The following ARGFX variants were observed in gnomAD, a reference collection of about 807,000 sequenced individuals.
The protein encoded by ARGFX is arginine-fifty homeobox.
A neutral mutation model predicts 8.0 loss-of-function variants in ARGFX; 10 were observed. The observed-to-expected ratio is 1.25, with a 90% CI of 0.77 to 2.12. The LOEUF is 2.12. Among genes scored for constraint, ARGFX ranks in the 30% most tolerant of loss-of-function variants. The probability of loss-of-function intolerance (pLI) is 0.00; values close to 1 mark genes in which losing one functional copy is unlikely to be tolerated. For synonymous variants in ARGFX, 116 were observed against 117.8 expected (o/e 0.98, Z 0.10); for missense variants, 282 against 324.3 (o/e 0.87, Z 1.00).
In ARGFX at chr3:121,586,938, G is replaced by A. The variant is rs764981363; in HGVS notation, c.*338G>A. Among the ~76,000 whole-genome samples, 1 of 152,162 alleles carries A rather than the reference G, an allele frequency of 6.6e-6. No homozygotes were observed. Among genetic ancestry groups the A allele is most frequent in the African/African-American group, 2.4e-5 (1 of 41,424 alleles). On this transcript the variant is annotated 3_prime_UTR_variant, in exon 5 of 5. Transcript: ENST00000334384. ...TAGCTCTCATTCTGTCACCCAGGCT[G>A]GAATACAGTGGTACAGTCACGGCTC... is the stretch of plus-strand genomic sequence containing the variant.
rs1174620508 is a variant in ARGFX, at chr3:121,579,945, C to CTTTTTTT, written c.220+3065_220+3071dup. Among the ~76,000 whole-genome samples the CTTTTTTT allele has an allele frequency of 5.1e-3, 465 of 91,494 alleles. 18 individuals are homozygous for CTTTTTTT. Among genetic ancestry groups the CTTTTTTT allele is most frequent in the Middle Eastern group, 7.4e-3 (1 of 136 alleles). The allele number at this position is 91,494 out of a possible 152,430, so 60.0% of individuals were successfully genotyped here. On this transcript the variant is annotated intron_variant, in intron 3 of 4. Transcript: ENST00000334384. ...CTTTCTTTTTCTTTTCTTTTCTTTT[C>CTTTTTTT]TTTTTTTTTTTTTTTTTTTTTTTTT...
rs577539578 is a variant in ARGFX, at chr3:121,574,930, A to T, written c.104-1854A>T. 5.9e-5 allele frequency among the ~76,000 whole-genome samples: 9 copies of T among 152,328 alleles called. No homozygotes were observed. The South Asian group carries it at 1.9e-3, about 32-fold the overall frequency. On this transcript the variant is annotated intron_variant, in intron 2 of 4. Transcript: ENST00000334384. ...GAACAGAAGAAAGTTCAGAAAATTG[A>T]TATGTTTGAAGACCAAATGTATGTA...
rs913630512 is a variant in ARGFX, at chr3:121,589,845, T to A, written c.*3245T>A. On this transcript the variant is annotated 3_prime_UTR_variant, in exon 5 of 5. Coordinates refer to ENST00000334384, the MANE Select transcript of ARGFX (RefSeq NM_001012659.2). ...TTAAGAAAACTTCACTAATATATAG[T>A]CATAATGTGGTATATTCATAGAACA... 6.6e-6 allele frequency among the ~76,000 whole-genome samples: 1 copy of A among 152,094 alleles called. No individual in the cohort carries two copies. Among genetic ancestry groups the A allele is most frequent in the Non-Finnish European group, 1.5e-5 (1 of 68,018 alleles).
rs1355077633 is a variant in ARGFX at position 121,586,278 on chromosome 3, A to G, written c.626A>G (p.Gln209Arg). ...STSDFQMQDT[Q>R]WERLVASVPA... ...AGTGACTTCCAAATGCAAGATACTC[A>G]GTGGGAGAGGCTGGTGGCCTCGGTT... is the stretch of plus-strand genomic sequence containing the variant. The change falls in exon 5 of 5, where the codon CAG becomes CGG. Residue 209 changes from glutamine to arginine, a missense_variant. Transcript: ENST00000334384. The G allele has an allele frequency of 5.0e-6, 8 of 1,614,088 alleles. No individual in the cohort carries two copies. The highest frequency in any genetic ancestry group is 6.8e-6 in the Non-Finnish European group (8 of 1,180,052).
At chr3:121,585,733 C>T (rs2048808223) in intron 4 of ARGFX, among the ~76,000 whole-genome samples, 1 of 152,106 alleles carries the variant, frequency 6.6e-6, no homozygotes, top group African/African-American at 2.4e-5. Flanking sequence ...TCCCTAGATC[C>T]TAGATCCCTA....
intron 4 of ARGFX, among the ~76,000 whole-genome samples, chr3:121,585,815 C>T (rs2048809017): frequency 6.6e-6 from 1 of 152,144 alleles, no homozygotes; most frequent in East Asian, 1.9e-4. Flanking sequence ...AACACACCCG[C>T]TTCCTTCCTT....
chr3:121,570,408 G>A lies in ARGFX; in HGVS notation c.-12-294G>A, dbSNP rs73179943. ...GTGGTCATTTGATCTCTATCTTTTCGTGTATAGATTGCACTTTAACAATCT... is the reference window on the plus strand; with the variant it reads ...GTGGTCATTTGATCTCTATCTTTTCATGTATAGATTGCACTTTAACAATCT... On this transcript the variant is annotated intron_variant, in intron 1 of 4. Transcript: ENST00000334384. Among the ~76,000 whole-genome samples the A allele has an allele frequency of 4.7e-4, 72 of 152,282 alleles. No homozygotes were observed. The South Asian group carries it at 6.8e-3, about 14-fold the overall frequency.
rs201565904 is a variant in ARGFX at position 121,570,808 on chromosome 3, C to T, written c.95C>T (p.Ala32Val). ...AAGGTGATACCACCACAGGATCCAG[C>T]TAGTCCCAGTGAGTATCATCCTTCT... ...NMKVIPPQDP[A>V]SPSFTLLSKL... Residue 32 changes from alanine (A) to valine (V), a missense_variant, in exon 2 of 5, where the codon GCT (alanine) becomes GTT (valine). Physicochemically the swap from Ala to Val is moderately conservative, Grantham distance 64. Coordinates refer to ENST00000334384, the MANE Select transcript of ARGFX (RefSeq NM_001012659.2). 2 of 1,599,792 alleles carry T rather than the reference C, an allele frequency of 1.3e-6. No individual in the cohort carries two copies. The highest frequency in any genetic ancestry group is 4.6e-5 in the East Asian group (2 of 43,742).
Position 121,580,602 on chromosome 3 carries a change from A to ATTT in ARGFX, c.220+3703_220+3704insTTT, listed in dbSNP as rs1198950517. The stretch of plus-strand genomic sequence containing the variant: ...TGTGTGTGTGTGTGTGTGTATATAT[A>ATTT]TATATTTTTTTTTTTTTTTTGAGAT... On this transcript the variant is annotated intron_variant, in intron 3 of 4. Transcript: ENST00000334384. 8.0e-5 allele frequency among the ~76,000 whole-genome samples: 7 copies of ATTT among 87,636 alleles called. 1 individual carries two copies. The highest frequency in any genetic ancestry group is 3.8e-4 in the South Asian group (1 of 2,664). The allele number at this position is 87,636 out of a possible 152,430, so 57.5% of individuals were successfully genotyped here.
intron 4 of ARGFX, among the ~76,000 whole-genome samples, chr3:121,585,542 G>C (rs1012535690): frequency 6.6e-6 from 1 of 151,616 alleles, no homozygotes; most frequent in Non-Finnish European, 1.5e-5. Flanking sequence ...GTCTCACTAT[G>C]TTGCCCAGGC....
chr3:121,574,995 T>A (rs988321355), intron 2 of ARGFX, among the ~76,000 whole-genome samples: 2 of 152,194 alleles, frequency 1.3e-5, no homozygotes, highest in African/African-American at 4.8e-5. Context: ...TCAGTGGTTT[T>A]AAAAAAATAA....
At chr3:121,582,135 A>G (rs2048783869) in intron 3 of ARGFX, among the ~76,000 whole-genome samples, 1 of 152,158 alleles carries the variant, frequency 6.6e-6, no homozygotes, top group South Asian at 2.1e-4. Context: ...GTTATTTTTA[A>G]ACAATTTACA....
intron 2 of ARGFX, among the ~76,000 whole-genome samples, chr3:121,576,468 A>G (rs2048736623): frequency 6.6e-6 from 1 of 152,060 alleles, no homozygotes; most frequent in African/African-American, 2.4e-5. Flanking sequence ...CCTACCGAGT[A>G]GCTGGGATTA....
Position 121,586,596 on chromosome 3 carries a change from T to A in ARGFX, c.944T>A (p.Leu315His). The stretch of plus-strand genomic sequence containing the variant: ...TCCAATATGGTAGACTTGGGATTTC[T>A]CTGACCAGAGTACTAATAAATATAG... ...KTSNMVDLGFL is the reference protein window; with the variant it reads ...KTSNMVDLGFH Residue 315 changes from leucine (L) to histidine (H), a missense_variant, in exon 5 of 5, where the codon CTC (leucine) becomes CAC (histidine). Leu to His is a moderately conservative substitution (Grantham distance 99). Coordinates refer to ENST00000334384, the MANE Select transcript of ARGFX (RefSeq NM_001012659.2). 6.2e-7 allele frequency: 1 copy of A among 1,611,464 alleles called. No homozygotes were observed. Among genetic ancestry groups the A allele is most frequent in the Non-Finnish European group, 8.5e-7 (1 of 1,178,538 alleles).
At chr3:121,571,272 A>G (rs1432378744) in intron 2 of ARGFX, among the ~76,000 whole-genome samples, 1 of 152,120 alleles carries the variant, frequency 6.6e-6, no homozygotes, top group Admixed American at 6.6e-5. Context: ...TTGTTATTTG[A>G]TATTTTATCC....
intron 2 of ARGFX, among the ~76,000 whole-genome samples, chr3:121,572,849 C>T (rs943138445): frequency 1.4e-4 from 22 of 152,224 alleles, no homozygotes; most frequent in Non-Finnish European, 2.2e-4. Flanking sequence ...TCCAGAAATA[C>T]GTCCTTGCAC....
At chr3:121,576,705 CT>C (rs113058973) in intron 2 of ARGFX, 78 bp from the exon 3 acceptor site, 26,632 of 222,606 alleles carry the variant, frequency 0.12, 1,941 homozygotes, top group East Asian at 0.37. Context: ...CTCTTTCTTT[CT>C]TTTTCTTTCT....
In ARGFX at chr3:121,588,743, C is replaced by A. The variant is rs1217842671; in HGVS notation, c.*2143C>A. 6.6e-6 allele frequency among the ~76,000 whole-genome samples: 1 copy of A among 150,720 alleles called. No homozygotes were observed. The highest frequency in any genetic ancestry group is 1.5e-5 in the Non-Finnish European group (1 of 67,714). On this transcript the variant is annotated 3_prime_UTR_variant, in exon 5 of 5. Transcript: ENST00000334384. ...ACCATCCTGGCCAACATGGTGAAATCCTGCCTCTACTAAAAATACAAAAAA... is the reference window on the plus strand; with the variant it reads ...ACCATCCTGGCCAACATGGTGAAATACTGCCTCTACTAAAAATACAAAAAA...
chr3:121,581,064 C>G (rs905455090), intron 3 of ARGFX, among the ~76,000 whole-genome samples: 39 of 152,050 alleles, frequency 2.6e-4, no homozygotes, highest in African/African-American at 9.4e-4. Flanking sequence ...CAACCTCTGC[C>G]TCCCGGGTTC....
Sources: gnomAD v4.1 joint callset for allele counts (sites outside exome capture counted in the v4.1 genomes callset) on GRCh38, gnomAD v4.1.1 for gene constraint, MANE v1.5 for transcripts, NCBI Gene and HGNC (gene_info 2026-07-23, HGNC 2026-07-21) for gene names.